Variants in PLCL1 observed in about 807,000 individuals in gnomAD.
PLCL1 encodes the protein inactive phospholipase C-like protein 1.
A neutral mutation model predicts 84.4 loss-of-function variants in PLCL1; 41 were observed. The observed-to-expected ratio is 0.49, with a 90% CI of 0.38 to 0.63. The LOEUF is 0.63. Ranked by LOEUF, PLCL1 falls within the 30% of genes least tolerant of loss-of-function variation. The probability of loss-of-function intolerance (pLI) is 0.00; values close to 1 mark genes in which losing one functional copy is unlikely to be tolerated. For missense variants in PLCL1, 1,206 were observed against 1,367.8 expected (o/e 0.88, Z 1.87); for synonymous variants, 490 against 488.3 (o/e 1.00, Z -0.05).
At chr2:197,807,746 T>C (rs1219052850) in intron 1 of PLCL1, among the ~76,000 whole-genome samples, 1 of 152,214 alleles carries the variant, frequency 6.6e-6, no homozygotes, top group African/African-American at 2.4e-5. Context: ...TTTAGTACAT[T>C]TTAATCAAAA....
chr2:197,905,290 CCT>C (rs1688356665), intron 1 of PLCL1, among the ~76,000 whole-genome samples: 1 of 152,320 alleles, frequency 6.6e-6, no homozygotes, highest in Middle Eastern at 3.4e-3. Context: ...TGTTCCCCTC[CCT>C]GTGTCCATGT....
chr2:198,121,879 CT>C (rs1693876088), intron 5 of PLCL1, among the ~76,000 whole-genome samples: 1 of 151,926 alleles, frequency 6.6e-6, no homozygotes, highest in South Asian at 2.1e-4. Flanking sequence ...TATTTTTCTC[CT>C]CCTTCTGGTG....
intron 1 of PLCL1, among the ~76,000 whole-genome samples, chr2:197,850,011 C>T (rs1271179954): frequency 6.9e-6 from 1 of 144,314 alleles, no homozygotes; most frequent in African/African-American, 2.6e-5. Context: ...CACAGACACA[C>T]AGACACACAG....
rs1191169849 is a variant in PLCL1 at position 198,084,339 on chromosome 2, T to C, written c.822T>C (p.Thr274=). Residue 274 remains threonine, a synonymous_variant, in exon 2 of 6, where the codon ACT becomes ACC. Coordinates refer to ENST00000428675, the MANE Select transcript of PLCL1 (RefSeq NM_006226.4). ...SVELIKQLNP[T]LKEAKIRLKF... is the part of the protein sequence containing the mutation. ...AGTTAATAAAACAACTCAACCCTAC[T>C]CTGAAGGAAGCCAAGATCAGGTTAA... The C allele has an allele frequency of 6.2e-7, 1 of 1,614,012 alleles. No individual in the cohort carries two copies. The highest frequency in any genetic ancestry group is 1.1e-5 in the South Asian group (1 of 91,080).
chr2:198,139,616 G>T (rs58701836), intron 5 of PLCL1, among the ~76,000 whole-genome samples: 1 of 151,896 alleles, frequency 6.6e-6, no homozygotes, highest in East Asian at 1.9e-4. Context: ...AATAATACAT[G>T]AATAGGTTAT....
chr2:197,898,860 C>A (rs950367049), intron 1 of PLCL1, among the ~76,000 whole-genome samples: 1 of 151,500 alleles, frequency 6.6e-6, no homozygotes, highest in Non-Finnish European at 1.5e-5. Flanking sequence ...GTATTTACTT[C>A]GAAAAGTTGT....
intron 1 of PLCL1, among the ~76,000 whole-genome samples, chr2:197,826,630 A>G (rs369783411): frequency 2.0e-5 from 3 of 152,314 alleles, no homozygotes; most frequent in African/African-American, 4.8e-5. Context: ...TCGTTCATTC[A>G]TCTGTTCATT....
intron 1 of PLCL1, among the ~76,000 whole-genome samples, chr2:198,081,380 C>T (rs898345157): frequency 1.3e-5 from 2 of 152,156 alleles, no homozygotes; most frequent in Non-Finnish European, 2.9e-5. Flanking sequence ...GTAGATTAAT[C>T]CTGTCTCAGC....
At position 198,146,873 on chromosome 2, in the gene PLCL1, G is replaced by T; in HGVS notation, c.3199G>T (p.Ala1067Ser). 1 of 1,613,630 alleles carries T rather than the reference G, an allele frequency of 6.2e-7. No homozygotes were observed. Among genetic ancestry groups the T allele is most frequent in the Non-Finnish European group, 8.5e-7 (1 of 1,179,738 alleles). ...ATGCCTGTCCTGTGGACTGAGTAAA[G>T]CCCCCAGCAGCAGTGCTGAGGCCAA... ...LACLSCGLSK[A>S]PSSSAEAKSK... The change falls in exon 6 of 6, where the codon GCC becomes TCC. Residue 1067 changes from alanine (A) to serine (S), a missense_variant. Physicochemically the swap from Ala to Ser is moderately conservative, Grantham distance 99 (BLOSUM62 1). Transcript: ENST00000428675.
chr2:197,873,024 G>A (rs1054741005), intron 1 of PLCL1, among the ~76,000 whole-genome samples: 3 of 152,074 alleles, frequency 2.0e-5, no homozygotes, highest in East Asian at 1.9e-4. Context: ...CTTGTTCAAA[G>A]TTTGTCAGCG....
intron 1 of PLCL1, among the ~76,000 whole-genome samples, chr2:197,889,379 A>G (rs1687973971): frequency 6.6e-6 from 1 of 152,184 alleles, no homozygotes; most frequent in Non-Finnish European, 1.5e-5. Context: ...CCTAGAGGGA[A>G]ATAAGTTGTA....
chr2:197,834,804 T>C (rs1368936680), intron 1 of PLCL1, among the ~76,000 whole-genome samples: 1 of 152,230 alleles, frequency 6.6e-6, no homozygotes, highest in Non-Finnish European at 1.5e-5. Context: ...ACTGGGTATA[T>C]ACCCAAAGGA....
At chr2:197,960,955 T>C (rs1689608755) in intron 1 of PLCL1, among the ~76,000 whole-genome samples, 1 of 152,126 alleles carries the variant, frequency 6.6e-6, no homozygotes, top group African/African-American at 2.4e-5. Context: ...TATTCGATTA[T>C]AAATTTATGC....
chr2:198,008,043 C>A (rs180792072), intron 1 of PLCL1, among the ~76,000 whole-genome samples: 65 of 152,144 alleles, frequency 4.3e-4, no homozygotes, highest in African/African-American at 1.4e-3. Context: ...ACTCCCTATT[C>A]CACGTTGAGA....
Position 197,888,235 on chromosome 2 carries a change from A to G in PLCL1, c.240+82896A>G, listed in dbSNP as rs577646157. Among the ~76,000 whole-genome samples the G allele has an allele frequency of 2.7e-4, 41 of 152,046 alleles. No individual in the cohort carries two copies. The South Asian group carries it at 7.9e-3, about 29-fold the overall frequency. On this transcript the variant is annotated intron_variant, in intron 1 of 5. Coordinates refer to ENST00000428675, the MANE Select transcript of PLCL1 (RefSeq NM_006226.4). The stretch of plus-strand genomic sequence containing the variant: ...TGTATTTCTCACCTAACTTCATTGA[A>G]TTGTTGGTCTTTTTCTTTTCTTTTT...
At chr2:197,868,703 C>T (rs532376177) in intron 1 of PLCL1, among the ~76,000 whole-genome samples, 6 of 148,982 alleles carry the variant, frequency 4.0e-5, no homozygotes, top group East Asian at 2.0e-4. Flanking sequence ...GATAAGGTCT[C>T]GCTTTTTTTT....
chr2:197,867,474 A>G (rs1687572443), intron 1 of PLCL1, among the ~76,000 whole-genome samples: 1 of 152,092 alleles, frequency 6.6e-6, no homozygotes, highest in East Asian at 1.9e-4. Context: ...TTCGAGGAGT[A>G]CTTGGCAAAA....
chr2:197,923,794 G>A (rs1688772964), intron 1 of PLCL1, among the ~76,000 whole-genome samples: 1 of 152,176 alleles, frequency 6.6e-6, no homozygotes, highest in African/African-American at 2.4e-5. Flanking sequence ...CACCCTGGGA[G>A]GCCAAGGCAG....
At chr2:197,971,180 A>G (rs904692994) in intron 1 of PLCL1, among the ~76,000 whole-genome samples, 6 of 152,230 alleles carry the variant, frequency 3.9e-5, no homozygotes, top group African/African-American at 1.2e-4. Flanking sequence ...TATTTATTAA[A>G]TTAGGCCCCT....
Sources: allele counts gnomAD v4.1 joint callset (sites outside exome capture counted in the v4.1 genomes callset), GRCh38; gene constraint gnomAD v4.1.1; transcripts MANE v1.5; gene names NCBI Gene and HGNC (gene_info 2026-07-23, HGNC 2026-07-21).